Variants in HCN1 observed in about 807,000 individuals in gnomAD.
HCN1 encodes hyperpolarization activated cyclic nucleotide gated potassium channel 1, also known as potassium/sodium hyperpolarization-activated cyclic nucleotide-gated channel 1.
HCN1 carries 13 observed loss-of-function variants against 78.9 expected under a neutral mutation model. The ratio of observed to expected loss-of-function variants is 0.16; its 90% CI spans 0.11 to 0.26. The LOEUF is 0.26. Among genes scored for constraint, HCN1 ranks in the 10% least tolerant of loss-of-function variants. The probability of loss-of-function intolerance (pLI) is 1.00; values close to 1 mark genes in which losing one functional copy is unlikely to be tolerated. For missense variants in HCN1, 810 were observed against 1,154.3 expected, an observed-to-expected ratio of 0.70 and a Z score of 4.32; for synonymous variants, 552 against 455.5, an observed-to-expected ratio of 1.21 and a Z score of -2.70.
chr5:45,462,356 G>A (rs887074042), intron 2 of HCN1, among the ~76,000 whole-genome samples: 2 of 152,046 alleles, frequency 1.3e-5, no homozygotes, highest in Non-Finnish European at 2.9e-5. Flanking sequence ...TACAAATGAT[G>A]GGTAGCTTCT....
intron 2 of HCN1, among the ~76,000 whole-genome samples, chr5:45,634,412 C>T (rs1241298258): frequency 6.6e-6 from 1 of 151,946 alleles, no homozygotes; most frequent in African/African-American, 2.4e-5. Flanking sequence ...ATTAATATCA[C>T]AATTCCCAAG....
At chr5:45,302,924 C>G (rs1024380524) in intron 6 of HCN1, among the ~76,000 whole-genome samples, 1 of 152,024 alleles carries the variant, frequency 6.6e-6, no homozygotes, top group Admixed American at 6.6e-5. Context: ...TGAGGCCTCC[C>G]CAGCCATATA....
chr5:45,489,985 A>G (rs1741850161), intron 2 of HCN1, among the ~76,000 whole-genome samples: 2 of 152,162 alleles, frequency 1.3e-5, no homozygotes, highest in South Asian at 2.1e-4. Flanking sequence ...TGCCCCAAAT[A>G]CTCAAATTTT....
At chr5:45,487,556 CCT>C (rs1335757867) in intron 2 of HCN1, among the ~76,000 whole-genome samples, 3 of 151,098 alleles carry the variant, frequency 2.0e-5, no homozygotes, top group Non-Finnish European at 1.5e-5. Flanking sequence ...GAGTTTTGCC[CCT>C]GTGTGCACTT....
At chr5:45,467,161 A>G (rs1403973085) in intron 2 of HCN1, among the ~76,000 whole-genome samples, 1 of 151,802 alleles carries the variant, frequency 6.6e-6, no homozygotes, top group East Asian at 1.9e-4. Context: ...TGCTTTCTCT[A>G]CTTCTCTGCT....
chr5:45,337,048 A>G (rs1032607719), intron 5 of HCN1, among the ~76,000 whole-genome samples: 1 of 152,044 alleles, frequency 6.6e-6, no homozygotes, highest in Non-Finnish European at 1.5e-5. Context: ...CATATTTTCT[A>G]TCTATTCCAT....
At chr5:45,346,170 T>A (rs549806521) in intron 5 of HCN1, among the ~76,000 whole-genome samples, 1 of 152,296 alleles carries the variant, frequency 6.6e-6, no homozygotes, top group Non-Finnish European at 1.5e-5. Flanking sequence ...CATGATTCAA[T>A]TACCTCCCAC....
At chr5:45,608,478 T>G (rs1744768657) in intron 2 of HCN1, among the ~76,000 whole-genome samples, 1 of 151,488 alleles carries the variant, frequency 6.6e-6, no homozygotes, top group African/African-American at 2.4e-5. Context: ...TGAGAGGAAT[T>G]GAGCAGGAAA....
At chr5:45,569,293 C>T (rs544198102) in intron 2 of HCN1, among the ~76,000 whole-genome samples, 1 of 152,080 alleles carries the variant, frequency 6.6e-6, no homozygotes, top group South Asian at 2.1e-4. Flanking sequence ...TTAATCTTTT[C>T]TTGTGATAAA....
At chr5:45,578,378 G>A (rs1238834887) in intron 2 of HCN1, among the ~76,000 whole-genome samples, 1 of 151,888 alleles carries the variant, frequency 6.6e-6, no homozygotes, top group Non-Finnish European at 1.5e-5. Context: ...AATATGTGGA[G>A]CCTTCTGACT....
intron 1 of HCN1, among the ~76,000 whole-genome samples, chr5:45,658,975 C>T (rs1014814656): frequency 8.1e-5 from 12 of 148,682 alleles, no homozygotes; most frequent in Non-Finnish European, 1.2e-4. Flanking sequence ...GCCTGCCTGC[C>T]TCTGTAGGCT....
chr5:45,695,561 C>T (rs1015799945), intron 1 of HCN1, 108 bp downstream of exon 1: 31 of 1,127,096 alleles, frequency 2.8e-5, no homozygotes, highest in Admixed American at 4.5e-5. Flanking sequence ...GGCAGCGCCA[C>T]CCCCCGCCCG....
intron 2 of HCN1, among the ~76,000 whole-genome samples, chr5:45,476,221 C>T (rs1741510927): frequency 6.6e-6 from 1 of 152,108 alleles, no homozygotes; most frequent in Non-Finnish European, 1.5e-5. Flanking sequence ...GCAGGCAAGC[C>T]TCTGCAAACT....
At chr5:45,265,313 G>C (rs1441923259) in intron 7 of HCN1, among the ~76,000 whole-genome samples, 4 of 152,130 alleles carry the variant, frequency 2.6e-5, no homozygotes, top group African/African-American at 9.7e-5. Context: ...GCTGGTTTAG[G>C]AAGAAACTCA....
chr5:45,317,988 A>AT (rs929230241), intron 5 of HCN1, among the ~76,000 whole-genome samples: 2 of 152,196 alleles, frequency 1.3e-5, no homozygotes, highest in Non-Finnish European at 2.9e-5. Context: ...TAGTTCAACC[A>AT]TTGTGGAAGA....
chr5:45,543,008 A>G (rs1239042759), intron 2 of HCN1, among the ~76,000 whole-genome samples: 1 of 152,126 alleles, frequency 6.6e-6, no homozygotes, highest in Non-Finnish European at 1.5e-5. Context: ...AACCAAAGCC[A>G]GCTATGATTA....
intron 6 of HCN1, among the ~76,000 whole-genome samples, chr5:45,269,925 C>A (rs1744929017): frequency 1.3e-5 from 2 of 152,184 alleles, no homozygotes; most frequent in Non-Finnish European, 2.9e-5. Flanking sequence ...CCTCTACTTT[C>A]CCTTCAAGGT....
chr5:45,651,460 G>A (rs4339358), intron 1 of HCN1, among the ~76,000 whole-genome samples: 41,195 of 151,696 alleles, frequency 0.27, 5,697 homozygotes, highest in East Asian at 0.32. Flanking sequence ...CATGAATTGA[G>A]CATGTTTATA....
At chr5:45,678,793 G>A (rs549118793) in intron 1 of HCN1, among the ~76,000 whole-genome samples, 1 of 152,010 alleles carries the variant, frequency 6.6e-6, no homozygotes, top group East Asian at 1.9e-4. Context: ...ATGTCTTCCT[G>A]AATAAGAACA....
Sources: gnomAD v4.1 joint callset for allele counts (sites outside exome capture counted in the v4.1 genomes callset) on GRCh38, gnomAD v4.1.1 for gene constraint, MANE v1.5 for transcripts, NCBI Gene and HGNC (gene_info 2026-07-23, HGNC 2026-07-21) for gene names.